Variants in REV3L observed in about 807,000 individuals in gnomAD.
REV3L encodes the protein DNA polymerase zeta catalytic subunit.
In REV3L, 69 loss-of-function variants were observed where a neutral mutation model predicts 299.4. That is an observed-to-expected ratio of 0.23 (90% CI 0.19 to 0.28). The LOEUF (loss-of-function observed/expected upper bound fraction) is 0.28, where lower values mean the gene tolerates loss of function less well. Ranked by LOEUF, REV3L falls within the 10% of genes least tolerant of loss-of-function variation. The pLI, the probability that REV3L is intolerant of heterozygous loss-of-function variation, is 1.00. For missense variants in REV3L, 3,128 were observed against 3,693.8 expected, an observed-to-expected ratio of 0.85 and a Z score of 3.97; for synonymous variants, 1,238 against 1,271.4, an observed-to-expected ratio of 0.97 and a Z score of 0.56.
At position 111,311,137 on chromosome 6, in the gene REV3L, A is replaced by G; in HGVS notation, c.8727T>C (p.Phe2909=). Residue 2909 remains phenylalanine (F), a synonymous_variant, in exon 29 of 32, where the codon TTT becomes TTC. Transcript: ENST00000368802. Reference sequence around the variant, plus strand: ...AAAAACTTCCTCTGTATTCCTTGGCAAAGATAAAGTCTTGTATGCTGGCCT... The same window carrying G: ...AAAAACTTCCTCTGTATTCCTTGGCGAAGATAAAGTCTTGTATGCTGGCCT... The part of the protein sequence containing the change: ...EGKASIQDFI[F]AKEYRGSFSY... The G allele has an allele frequency of 5.0e-6, 8 of 1,614,120 alleles. No individual in the cohort carries two copies. Among genetic ancestry groups the G allele is most frequent in the Non-Finnish European group, 6.8e-6 (8 of 1,179,986 alleles).
chr6:111,380,602 TAAC>T (rs1299441887), intron 10 of REV3L, among the ~76,000 whole-genome samples: 2 of 152,196 alleles, frequency 1.3e-5, no homozygotes, highest in Non-Finnish European at 2.9e-5. Flanking sequence ...CAGAATAAAA[TAAC>T]AACATCATAG....
chr6:111,483,525 GA>G (rs1325944273), upstream of REV3L: 1 of 516,468 alleles, frequency 1.9e-6, no homozygotes, highest in Non-Finnish European at 3.7e-6. Context: ...GGGCTTGCGG[GA>G]GGGGGGCGCC....
chr6:111,431,917 A>G, intron 1 of REV3L: 1 of 374,714 alleles, frequency 2.7e-6, no homozygotes, highest in Non-Finnish European at 5.0e-6. Flanking sequence ...TGAATGTTCC[A>G]GAGGTTGGAC....
chr6:111,430,426 A>T (rs1437297621), intron 1 of REV3L: 1 of 1,497,760 alleles, frequency 6.7e-7, no homozygotes, highest in African/African-American at 1.4e-5. Context: ...GATATTTTCA[A>T]ACTAATGTGT....
At chr6:111,385,813 A>T (rs545532929) in intron 9 of REV3L, among the ~76,000 whole-genome samples, 1 of 152,324 alleles carries the variant, frequency 6.6e-6, no homozygotes, top group South Asian at 2.1e-4. Flanking sequence ...ACAAAATGTA[A>T]TTCACAAACA....
intron 1 of REV3L, among the ~76,000 whole-genome samples, chr6:111,446,945 G>A (rs1257048009): frequency 6.6e-6 from 1 of 152,122 alleles, no homozygotes; most frequent in Non-Finnish European, 1.5e-5. Context: ...AAATCTATAT[G>A]AGACTTCTTT....
chr6:111,310,955 G>T, intron 29 of REV3L, 114 bp downstream of exon 29: 1 of 686,224 alleles, frequency 1.5e-6, no homozygotes, highest in Non-Finnish European at 2.3e-6. Context: ...CTTCATGTGC[G>T]CAGGTAAAGA....
chr6:111,367,022 TA>T, intron 14 of REV3L, 92 bp downstream of exon 14: 1 of 1,109,290 alleles, frequency 9.0e-7, no homozygotes, highest in Non-Finnish European at 1.2e-6. Flanking sequence ...TACCTTCATT[TA>T]AAAAGCTCTG....
At chr6:111,307,594 T>C (rs1201535292) in intron 30 of REV3L, 24 bp from the exon 31 acceptor site, 3 of 1,609,170 alleles carry the variant, frequency 1.9e-6, no homozygotes, top group Non-Finnish European at 2.6e-6. Flanking sequence ...CATTCAGAAG[T>C]AAGCCTGAGT....
chr6:111,352,756 G>T (rs2114952640), intron 18 of REV3L, among the ~76,000 whole-genome samples: 1 of 152,260 alleles, frequency 6.6e-6, no homozygotes, highest in East Asian at 1.9e-4. Context: ...TCAGAATCTA[G>T]AAGAAAAATG....
chr6:111,446,842 C>T (rs954362905), intron 1 of REV3L, among the ~76,000 whole-genome samples: 1 of 152,098 alleles, frequency 6.6e-6, no homozygotes, highest in African/African-American at 2.4e-5. Flanking sequence ...AGATTAGTGG[C>T]TATGGCATTT....
chr6:111,472,381 A>C (rs1267776017), intron 1 of REV3L, among the ~76,000 whole-genome samples: 1 of 151,222 alleles, frequency 6.6e-6, no homozygotes, highest in Non-Finnish European at 1.5e-5. Context: ...TAAATGGAAG[A>C]AAAATAGTAT....
At chr6:111,303,693 GACT>G (rs1771914055) in intron 31 of REV3L, among the ~76,000 whole-genome samples, 2 of 15,258 alleles carry the variant, frequency 1.3e-4, no homozygotes, top group East Asian at 4.0e-3. Context: ...TTTTTTAACA[GACT>G]ATGACTTTTT....
chr6:111,367,188 A>G lies in REV3L; in HGVS notation c.6600T>C (p.His2200=), dbSNP rs750008543. The stretch of plus-strand genomic sequence containing the variant: ...GTTTTCTCTGTATGATTGGTGTACT[A>G]TGAAAGCAAAGTGATTCACATTTCC... The part of the protein sequence containing the change: ...RTGKCESLCF[H]STPIIQRKLL... Residue 2200 remains histidine, a synonymous_variant, in exon 14 of 32, where the codon CAT becomes CAC. Transcript: ENST00000368802. 1 of 1,613,872 alleles carries G rather than the reference A, an allele frequency of 6.2e-7. No individual in the cohort carries two copies. Among genetic ancestry groups the G allele is most frequent in the South Asian group, 1.1e-5 (1 of 91,016 alleles).
intron 4 of REV3L, among the ~76,000 whole-genome samples, chr6:111,394,839 G>A (rs553972796): frequency 1.3e-5 from 2 of 151,792 alleles, no homozygotes; most frequent in Admixed American, 6.6e-5. Flanking sequence ...AGCTGCTGGG[G>A]CAACAGGCAT....
intron 2 of REV3L, among the ~76,000 whole-genome samples, chr6:111,413,285 T>C (rs942438578): frequency 6.6e-6 from 1 of 152,026 alleles, no homozygotes; most frequent in Non-Finnish European, 1.5e-5. Flanking sequence ...GGGAGACTCT[T>C]TGGGGGAAAA....
intron 1 of REV3L, among the ~76,000 whole-genome samples, chr6:111,457,417 C>G (rs1412707641): frequency 1.3e-5 from 2 of 151,848 alleles, no homozygotes; most frequent in Non-Finnish European, 2.9e-5. Context: ...ACAACAATAG[C>G]CACAACCCCA....
At chr6:111,447,678 C>T (rs959158236) in intron 1 of REV3L, among the ~76,000 whole-genome samples, 1 of 152,096 alleles carries the variant, frequency 6.6e-6, no homozygotes, top group African/African-American at 2.4e-5. Flanking sequence ...TATAAGTAAT[C>T]GATGTGAGGG....
rs1781500752 is a variant in REV3L at position 111,387,852 on chromosome 6, A to T, written c.1009T>A (p.Leu337Met). 1 of 1,613,764 alleles carries T rather than the reference A, an allele frequency of 6.2e-7. No homozygotes were observed. ...TCAGGAGACAGAACCTCAGAGTGCAATGTTAACTCAGCAGAGAACTCCTGG... is the reference window on the plus strand; with the variant it reads ...TCAGGAGACAGAACCTCAGAGTGCATTGTTAACTCAGCAGAGAACTCCTGG... ...GSQEFSAELT[L>M]HSEVLSPEML... The change falls in exon 9 of 32, where the codon TTG becomes ATG. Residue 337 changes from leucine to methionine, a missense_variant. Around this residue, in one of 9 missense-constraint regions of REV3L, gnomAD observed 2,409 missense variants for 2,611.8 expected, o/e 0.92. Coordinates refer to ENST00000368802, the MANE Select transcript of REV3L (RefSeq NM_001372078.1).
Sources: gnomAD v4.1 joint callset for allele counts (sites outside exome capture counted in the v4.1 genomes callset) on GRCh38, gnomAD v4.1.1 for gene constraint, gnomAD v4.1.1 regional missense constraint, MANE v1.5 for transcripts, NCBI Gene and HGNC (gene_info 2026-07-23, HGNC 2026-07-21) for gene names.